The following HPGD variants were observed in gnomAD, a reference collection of about 807,000 sequenced individuals.
The protein encoded by HPGD is 15-hydroxyprostaglandin dehydrogenase [NAD(+)].
Under a neutral mutation model 30.0 loss-of-function variants are expected in HPGD, and 29 were observed. The ratio of observed to expected loss-of-function variants is 0.97; its 90% confidence interval spans 0.72 to 1.32. The LOEUF (loss-of-function observed/expected upper bound fraction) is 1.32. HPGD is among the 40% of genes most tolerant of loss of function. HPGD has a pLI of 0.00. For synonymous variants in HPGD, 99 were observed against 112.4 expected, an observed-to-expected ratio of 0.88 and a Z score of 0.75; for missense variants, 340 against 322.1, an observed-to-expected ratio of 1.06 and a Z score of -0.43.
intron 4 of HPGD, among the ~76,000 whole-genome samples, chr4:174,499,746 C>T (rs563120264): frequency 2.6e-5 from 4 of 152,302 alleles, no homozygotes; most frequent in African/African-American, 9.6e-5. Flanking sequence ...TTTCCTCCTC[C>T]AGGCTGGTCT....
chr4:174,522,261 G>A, intron 1 of HPGD, 98 bp downstream of exon 1: 1 of 1,370,564 alleles, frequency 7.3e-7, no homozygotes, highest in Non-Finnish European at 1.0e-6. Context: ...GGGCACGCCG[G>A]GCGCGGCCTC....
In HPGD at chr4:174,494,890, A is replaced by G. The variant is rs1021727754; in HGVS notation, c.498+658T>C. ...CCTTGAAATAAAATCCAAGCTCACAACAGTGGCCCATAGCTGCTTTTGGTC... is the reference window on the plus strand; with the variant it reads ...CCTTGAAATAAAATCCAAGCTCACAGCAGTGGCCCATAGCTGCTTTTGGTC... On this transcript the variant is annotated intron_variant, in intron 5 of 6. Transcript: ENST00000296522. The surrounding 1 kb of genome is among the most constrained non-coding windows in gnomAD (Gnocchi z 4.9). 5.9e-5 allele frequency among the ~76,000 whole-genome samples: 9 copies of G among 152,160 alleles called. No homozygotes were observed. The highest frequency in any genetic ancestry group is 3.9e-4 in the Admixed American group (6 of 15,266).
intron 3 of HPGD, among the ~76,000 whole-genome samples, chr4:174,510,037 G>T (rs919483208): frequency 4.0e-5 from 6 of 151,228 alleles, no homozygotes; most frequent in African/African-American, 1.5e-4. Context: ...ATTCTTTTTT[G>T]ACATCTTAAT....
At chr4:174,521,615 A>G (rs1339631922) in intron 2 of HPGD, among the ~76,000 whole-genome samples, 1 of 152,144 alleles carries the variant, frequency 6.6e-6, no homozygotes, top group African/African-American at 2.4e-5. Context: ...ACCTACTTTA[A>G]TTTTCCAAGT....
intron 3 of HPGD, among the ~76,000 whole-genome samples, chr4:174,513,012 G>A (rs1455495772): frequency 5.9e-5 from 9 of 152,132 alleles, no homozygotes; most frequent in Non-Finnish European, 1.0e-4. Context: ...CTGTAACTTC[G>A]TAATATTTGC....
At chr4:174,510,924 A>G (rs1343846895) in intron 3 of HPGD, among the ~76,000 whole-genome samples, 1 of 152,122 alleles carries the variant, frequency 6.6e-6, no homozygotes, top group East Asian at 1.9e-4. Flanking sequence ...TACAGGCCTG[A>G]GCCACCGTGC....
At chr4:174,500,506 A>C (rs1232841759) in intron 4 of HPGD, among the ~76,000 whole-genome samples, 1 of 152,244 alleles carries the variant, frequency 6.6e-6, no homozygotes, top group Non-Finnish European at 1.5e-5. Flanking sequence ...AGTGTCCTTT[A>C]GTAGTTGAAT....
At chr4:174,509,850 A>T (rs1422629987) in intron 3 of HPGD, among the ~76,000 whole-genome samples, 3 of 151,536 alleles carry the variant, frequency 2.0e-5, no homozygotes, top group African/African-American at 7.3e-5. Context: ...TTGATAGTTG[A>T]CTGTTTTGCC....
In HPGD at chr4:174,495,415, T is replaced by C. The variant is rs367573443; in HGVS notation, c.498+133A>G. 23 of 707,910 alleles carry C rather than the reference T, an allele frequency of 3.2e-5. 1 individual carries two copies. The highest frequency in any genetic ancestry group is 2.1e-4 in the East Asian group (8 of 38,130). 43.9% of individuals were successfully genotyped at this position (707,910 alleles called of 1,614,324 possible). ...CTTTATGTGATCTGATAACTTTTTATAATTGAGATGGAGGTATGTCATTTT... is the reference window on the plus strand; with the variant it reads ...CTTTATGTGATCTGATAACTTTTTACAATTGAGATGGAGGTATGTCATTTT... On this transcript the variant is annotated intron_variant, in intron 5 of 6. Transcript: ENST00000296522.
rs1448607384 is a variant in HPGD, at chr4:174,494,612, G to T, written c.498+936C>A. ...GAACTACTTATCTTCCATTTTGACT[G>T]AACAGTTAACATTTGTGCATCTGTT... On this transcript the variant is annotated intron_variant, in intron 5 of 6. Transcript: ENST00000296522. This position sits in a 1 kb window ranked among gnomAD's most constrained non-coding sequence, Gnocchi z 4.9. 6.6e-6 allele frequency among the ~76,000 whole-genome samples: 1 copy of T among 152,092 alleles called. No individual in the cohort carries two copies. Among genetic ancestry groups the T allele is most frequent in the Non-Finnish European group, 1.5e-5 (1 of 68,014 alleles).
At position 174,491,858 on chromosome 4, in the gene HPGD, A is replaced by G; in HGVS notation, c.*98T>C. 2.6e-6 allele frequency: 3 copies of G among 1,174,108 alleles called. No homozygotes were observed. The highest frequency in any genetic ancestry group is 3.8e-6 in the Non-Finnish European group (3 of 789,318). The allele number at this position is 1,174,108 out of a possible 1,614,324, so 72.7% of individuals were successfully genotyped here. A position where few individuals can be genotyped will look rare whatever the true frequency, so the allele number is the denominator to read the frequency against. On this transcript the variant is annotated 3_prime_UTR_variant, in exon 7 of 7. Coordinates refer to ENST00000296522, the MANE Select transcript of HPGD (RefSeq NM_000860.6). Reference sequence around the variant, plus strand: ...CCAAGTGCATGAAGGAAAACTTCAAACTGTAACATTTCATTTAAAAGCTAT... The same window carrying G: ...CCAAGTGCATGAAGGAAAACTTCAAGCTGTAACATTTCATTTAAAAGCTAT...
rs370261776 is a variant in HPGD at position 174,522,037 on chromosome 4, C to G, written c.124G>C (p.Gly42Arg). 6.2e-7 allele frequency: 1 copy of G among 1,614,086 alleles called. No homozygotes were observed. The highest frequency in any genetic ancestry group is 1.3e-5 in the African/African-American group (1 of 74,940). ...TCCAGGGCAGCTTTACACTGTACACCTGCTTCAAGATTCCAATCCACCAGC... is the reference window on the plus strand; with the variant it reads ...TCCAGGGCAGCTTTACACTGTACACGTGCTTCAAGATTCCAATCCACCAGC... ...VALVDWNLEA[G>R]VQCKAALDEQ... The change falls in exon 2 of 7, where the codon GGT (glycine) becomes CGT (arginine). Residue 42 changes from glycine to arginine, a missense_variant. By Grantham distance (125) the Gly-to-Arg change is moderately radical. Coordinates refer to ENST00000296522, the MANE Select transcript of HPGD (RefSeq NM_000860.6).
At chr4:174,522,783 G>GC (rs1736233326), upstream of HPGD, 2 of 249,552 alleles carry the variant, frequency 8.0e-6, no homozygotes, top group African/African-American at 4.6e-5. Flanking sequence ...TTCCTTCAGT[G>GC]CCCTAAAGAC....
intron 4 of HPGD, among the ~76,000 whole-genome samples, chr4:174,503,663 C>T (rs1430671192): frequency 5.3e-5 from 8 of 151,326 alleles, no homozygotes; most frequent in Non-Finnish European, 7.4e-5. Context: ...GTCCATTCTT[C>T]GGCTATTGGA....
intron 3 of HPGD, among the ~76,000 whole-genome samples, chr4:174,510,596 A>C (rs1735437616): frequency 6.6e-6 from 1 of 152,196 alleles, no homozygotes; most frequent in African/African-American, 2.4e-5. Flanking sequence ...TTAGAAAAGC[A>C]ATATTTATCT....
In HPGD at chr4:174,521,951, T is replaced by A; in HGVS notation, c.210A>T (p.Gln70His). The A allele has an allele frequency of 1.2e-6, 2 of 1,614,170 alleles. No individual in the cohort carries two copies. Among genetic ancestry groups the A allele is most frequent in the Middle Eastern group, 3.3e-4 (2 of 6,058 alleles). ...TTGATTCCCCTGTCTTACCTCTCAG[T>A]TGTTGCTGGTCAGCCACATCGCACT... ...FIQCDVADQQ[Q>H]LRDTFRKVVD... The change falls in exon 2 of 7, where the codon CAA becomes CAT. Residue 70 changes from glutamine to histidine, a missense_variant. Gln to His is a conservative substitution (Grantham distance 24). Coordinates refer to ENST00000296522, the MANE Select transcript of HPGD (RefSeq NM_000860.6).
chr4:174,518,104 T>C (rs1316153018), intron 2 of HPGD, 27 bp from the exon 3 acceptor site: 1 of 1,070,104 alleles, frequency 9.3e-7, no homozygotes, highest in East Asian at 2.4e-5. Context: ...ATATTAGTGA[T>C]ACATTCTTAT....
chr4:174,502,538 C>T (rs1160855287), intron 4 of HPGD, among the ~76,000 whole-genome samples: 1 of 151,974 alleles, frequency 6.6e-6, no homozygotes, highest in Non-Finnish European at 1.5e-5. Flanking sequence ...ATTAGCCAGG[C>T]GTGGTGGCGG....
At chr4:174,513,342 C>T (rs1735605257) in intron 3 of HPGD, among the ~76,000 whole-genome samples, 1 of 152,088 alleles carries the variant, frequency 6.6e-6, no homozygotes, top group Admixed American at 6.6e-5. Flanking sequence ...AAAATCCTTG[C>T]AGTTCCCAAT....
Sources: gnomAD v4.1 joint callset for allele counts (sites outside exome capture counted in the v4.1 genomes callset) on GRCh38, gnomAD v4.1.1 for gene constraint, Gnocchi (gnomAD v3.1) non-coding constraint, MANE v1.5 for transcripts, NCBI Gene and HGNC (gene_info 2026-07-23, HGNC 2026-07-21) for gene names.